Variants in CLBA1 observed in about 807,000 individuals in gnomAD.
CLBA1 encodes clathrin binding box of aftiphilin containing 1, also known as uncharacterized protein CLBA1.
Under a neutral mutation model 28.8 loss-of-function variants are expected in CLBA1, and 30 were observed. That is an observed-to-expected ratio of 1.04 (90% CI 0.78 to 1.41). The LOEUF is 1.41. Ranked by LOEUF, CLBA1 falls within the 40% of genes most tolerant of loss-of-function variation. CLBA1 has a pLI of 0.00. For missense variants in CLBA1, 451 were observed against 412.3 expected (o/e 1.09, Z -0.81); for synonymous variants, 160 against 152.8 (o/e 1.05, Z -0.35).
At chr14:104,995,695 G>A (rs1016934184), downstream of CLBA1, among the ~76,000 whole-genome samples, 1 of 152,222 alleles carries the variant, frequency 6.6e-6, no homozygotes, top group African/African-American at 2.4e-5. Flanking sequence ...GTGATGGGCA[G>A]GAGTTTCCAT....
downstream of CLBA1, among the ~76,000 whole-genome samples, chr14:104,998,565 CTTTTTGT>C (rs1900207664): frequency 6.6e-6 from 1 of 152,172 alleles, no homozygotes; most frequent in African/African-American, 2.4e-5. Context: ...CTTGGCCTCT[CTTTTTGT>C]TTTTTGTTTT....
At chr14:104,993,515 A>G in intron 4 of CLBA1, 1 of 985,456 alleles carries the variant, frequency 1.0e-6, no homozygotes, top group Non-Finnish European at 1.2e-6. Flanking sequence ...GTCTGCCCAC[A>G]GCTTTTCTCT....
chr14:104,993,480 T>C, intron 4 of CLBA1: 1 of 985,376 alleles, frequency 1.0e-6, no homozygotes, highest in African/African-American at 1.7e-5. Context: ...GCGGCTTCAG[T>C]CACGGGCCGC....
At chr14:104,998,515 G>A (rs143384181), downstream of CLBA1, among the ~76,000 whole-genome samples, 1,309 of 152,290 alleles carry the variant, frequency 8.6e-3, 7 homozygotes, top group Non-Finnish European at 0.011. Context: ...CGATGTTGCC[G>A]TGCTGGTTTT....
intron 4 of CLBA1, 66 bp from the exon 5 acceptor site, chr14:104,994,532 A>G: frequency 2.0e-6 from 3 of 1,524,734 alleles, no homozygotes; most frequent in East Asian, 2.3e-5. Flanking sequence ...GCCAGGGGCA[A>G]ACGCCCAAGC....
At chr14:104,998,205 G>C (rs1374406095), downstream of CLBA1, among the ~76,000 whole-genome samples, 1 of 151,732 alleles carries the variant, frequency 6.6e-6, no homozygotes, top group Non-Finnish European at 1.5e-5. Context: ...CCGGGAGTTT[G>C]AGACCAGGCT....
chr14:104,998,685 C>T (rs918011373), downstream of CLBA1, among the ~76,000 whole-genome samples: 1 of 152,238 alleles, frequency 6.6e-6, no homozygotes. Context: ...CTGGCCAAGG[C>T]CCCCTGCCCT....
downstream of CLBA1, among the ~76,000 whole-genome samples, chr14:104,998,156 C>G (rs945579894): frequency 1.3e-5 from 2 of 152,016 alleles, no homozygotes; most frequent in African/African-American, 2.4e-5. Flanking sequence ...CCTGTAATCC[C>G]AGCACTTTGA....
chr14:104,986,422 G>C lies in CLBA1; in HGVS notation c.-10G>C, dbSNP rs753110594. 9.9e-6 allele frequency: 16 copies of C among 1,610,586 alleles called. No homozygotes were observed. In the African/African-American group the frequency reaches 2.1e-4, roughly 21 times the overall value. ...GCCCATCGGGCCTCTGCTGGCCTGG[G>C]GGCTCCAAGATGCAAGGCCGGCGGG... On this transcript the variant is annotated 5_prime_UTR_variant, in exon 1 of 5. Coordinates refer to ENST00000547315, the MANE Select transcript of CLBA1 (RefSeq NM_174891.4).
chr14:105,000,674 A>C (rs1900250468), intron 2 of CLBA1, among the ~76,000 whole-genome samples: 1 of 152,186 alleles, frequency 6.6e-6, no homozygotes, highest in South Asian at 2.1e-4. Context: ...ATCAGTAATC[A>C]TCAGGGAAAT....
chr14:104,998,619 G>A (rs1004012362), downstream of CLBA1, among the ~76,000 whole-genome samples: 6 of 152,206 alleles, frequency 3.9e-5, no homozygotes, highest in Non-Finnish European at 5.9e-5. Context: ...TGAAGTAGCA[G>A]GTGCGGGAAA....
Position 104,986,118 on chromosome 14 carries a change from C to G in CLBA1, c.-314C>G. The G allele has an allele frequency of 2.4e-6, 1 of 425,496 alleles. No homozygotes were observed. Among genetic ancestry groups the G allele is most frequent in the East Asian group, 4.6e-5 (1 of 21,752 alleles). The allele number at this position is 425,496 out of a possible 1,614,324, so 26.4% of individuals were successfully genotyped here. On this transcript the variant is annotated 5_prime_UTR_variant, in exon 1 of 5. Transcript: ENST00000547315. ...TCGCGGCTCTCTCCAGAGCAGGAGC[C>G]CCACCTTGGGCCGCCCCTCTCACAC...
intron 2 of CLBA1, among the ~76,000 whole-genome samples, chr14:105,000,926 G>T (rs966022439): frequency 5.3e-5 from 8 of 152,076 alleles, no homozygotes; most frequent in Non-Finnish European, 1.0e-4. Flanking sequence ...AAATCAGTAT[G>T]TTGAAGAGAT....
rs869117577 is a variant in CLBA1 at position 104,987,606 on chromosome 14, C to CTTTT, written c.423+780_423+783dup. On this transcript the variant is annotated intron_variant, in intron 1 of 4. Transcript: ENST00000547315. ...GGCTGGCCTGTTTTCTCTTCCTTTT[C>CTTTT]TTTTTTTTTTTTTTTTTTTTTTTTT... 4.6e-3 allele frequency among the ~76,000 whole-genome samples: 277 copies of CTTTT among 60,016 alleles called. 39 individuals carry two copies. The highest frequency in any genetic ancestry group is 0.011 in the East Asian group (21 of 1,946). 39.4% of individuals were successfully genotyped at this position (60,016 alleles called of 152,430 possible).
intron 1 of CLBA1, among the ~76,000 whole-genome samples, chr14:104,987,302 A>T (rs1320571988): frequency 6.6e-6 from 1 of 152,194 alleles, no homozygotes; most frequent in Non-Finnish European, 1.5e-5. Flanking sequence ...GCGGGATCCA[A>T]CCTGTCCGGG....
Position 104,986,412 on chromosome 14 carries a change from G to C in CLBA1, c.-20G>C, listed in dbSNP as rs567482194. On this transcript the variant is annotated 5_prime_UTR_variant, in exon 1 of 5. Transcript: ENST00000547315. ...CTGAGCAGCTGCCCATCGGGCCTCT[G>C]CTGGCCTGGGGGCTCCAAGATGCAA... 6.2e-7 allele frequency: 1 copy of C among 1,608,076 alleles called. No individual in the cohort carries two copies. The highest frequency in any genetic ancestry group is 8.5e-7 in the Non-Finnish European group (1 of 1,178,532).
At chr14:104,989,779 G>C (rs1180496342) in intron 2 of CLBA1, 1 of 444,610 alleles carries the variant, frequency 2.2e-6, no homozygotes, top group South Asian at 1.6e-5. Context: ...CTGTCCCTCG[G>C]TGTGGTCTGC....
chr14:105,000,018 G>A (rs143891521), downstream of CLBA1, among the ~76,000 whole-genome samples: 1 of 152,328 alleles, frequency 6.6e-6, no homozygotes, highest in African/African-American at 2.4e-5. Flanking sequence ...AGCATGTGAT[G>A]TGCAGCTCTC....
At chr14:105,001,265 G>A (rs1217296738) in intron 2 of CLBA1, among the ~76,000 whole-genome samples, 3 of 152,144 alleles carry the variant, frequency 2.0e-5, no homozygotes, top group Non-Finnish European at 4.4e-5. Flanking sequence ...GGAGGCCAAG[G>A]CAAGAGGATC....
Sources: gnomAD v4.1 joint callset for allele counts (sites outside exome capture counted in the v4.1 genomes callset) on GRCh38, gnomAD v4.1.1 for gene constraint, MANE v1.5 for transcripts, NCBI Gene and HGNC (gene_info 2026-07-23, HGNC 2026-07-21) for gene names.